The following CACNA2D4 variants were observed in gnomAD, a reference collection of about 807,000 sequenced individuals.
CACNA2D4 encodes the protein voltage-dependent calcium channel subunit alpha-2/delta-4.
CACNA2D4 carries 157 observed loss-of-function variants against 163.8 expected under a neutral mutation model. The ratio of observed to expected loss-of-function variants is 0.96; its 90% confidence interval spans 0.84 to 1.09. The LOEUF (loss-of-function observed/expected upper bound fraction) is 1.09. Ranked by LOEUF, CACNA2D4 falls within the 50% of genes least tolerant of loss-of-function variation. The pLI, the probability that CACNA2D4 is intolerant of heterozygous loss-of-function variation, is 0.00. For missense variants in CACNA2D4, 1,410 were observed against 1,479.9 expected (o/e 0.95, Z 0.78); for synonymous variants, 598 against 586.9 (o/e 1.02, Z -0.27).
intron 9 of CACNA2D4, among the ~76,000 whole-genome samples, chr12:1,885,284 C>G (rs1181073466): frequency 6.6e-6 from 1 of 152,176 alleles, no homozygotes; most frequent in Non-Finnish European, 1.5e-5. Flanking sequence ...GGGGAAATGA[C>G]TTGGTACACA....
intron 23 of CACNA2D4, among the ~76,000 whole-genome samples, chr12:1,848,419 G>A (rs1865199992): frequency 6.6e-6 from 1 of 152,344 alleles, no homozygotes; most frequent in East Asian, 1.9e-4. Context: ...CTCAGGGCCT[G>A]ACCGGGTTCC....
At chr12:1,827,169 C>T (rs970888195) in intron 26 of CACNA2D4, among the ~76,000 whole-genome samples, 9 of 151,796 alleles carry the variant, frequency 5.9e-5, no homozygotes, top group Non-Finnish European at 1.0e-4. Context: ...CAGGTAAACA[C>T]ATGCCAGTCC....
chr12:1,897,717 T>C lies in CACNA2D4; in HGVS notation c.781+9723A>G, dbSNP rs76292059. 7.3e-3 allele frequency among the ~76,000 whole-genome samples: 1,109 copies of C among 152,266 alleles called. 13 individuals are homozygous for C. Among genetic ancestry groups the C allele is most frequent in the African/African-American group, 0.025 (1,045 of 41,556 alleles). On this transcript the variant is annotated intron_variant, in intron 6 of 37. Transcript: ENST00000382722. ...GAGGAAAAAGTATATATCAGGTAAA[T>C]ACTAAGCATGAGCATGCTGGTGTCA... is the stretch of plus-strand genomic sequence containing the variant.
chr12:1,859,571 C>G (rs185346671), intron 19 of CACNA2D4, among the ~76,000 whole-genome samples: 1 of 152,346 alleles, frequency 6.6e-6, no homozygotes, highest in African/African-American at 2.4e-5. Flanking sequence ...GCTCTTCTCA[C>G]TGCTTTAGGA....
In CACNA2D4 at chr12:1,834,504, A is replaced by G; in HGVS notation, c.2551+6235T>C. 1 of 1,607,508 alleles carries G rather than the reference A, an allele frequency of 6.2e-7. No individual in the cohort carries two copies. Among genetic ancestry groups the G allele is most frequent in the Non-Finnish European group, 8.5e-7 (1 of 1,179,854 alleles). Reference sequence around the variant, plus strand: ...ACAGCCTGCCCACAGAAGCAGAGGCACCGGCCGGCGAGCGTGAGGCGAGCC... The same window carrying G: ...ACAGCCTGCCCACAGAAGCAGAGGCGCCGGCCGGCGAGCGTGAGGCGAGCC... On this transcript the variant is annotated intron_variant, in intron 26 of 37. Transcript: ENST00000382722. This position sits in a 1 kb window ranked among gnomAD's most constrained non-coding sequence, Gnocchi z 7.6.
rs1383179119 is a variant in CACNA2D4, at chr12:1,878,247, T to C, written c.1719+68A>G. 4.6e-5 allele frequency: 70 copies of C among 1,533,196 alleles called. No homozygotes were observed. In the East Asian group the frequency reaches 1.7e-3, roughly 36 times the overall value. 95.0% of individuals were successfully genotyped at this position (1,533,196 alleles called of 1,614,324 possible). ...GCCCAATGTGTGTTTGTTGTTTTAA[T>C]CGTTTTTGTGAATTACCCCCAAATC... On this transcript the variant is annotated intron_variant, in intron 16 of 37. Transcript: ENST00000382722. The surrounding 1 kb of genome is among the most constrained non-coding windows in gnomAD (Gnocchi z 4.6).
At chr12:1,835,422 T>TACACACAC (rs137889817) in intron 26 of CACNA2D4, 84 of 150,624 alleles carry the variant, frequency 5.6e-4, no homozygotes, top group African/African-American at 2.1e-3. Flanking sequence ...AAAGAATTAA[T>TACACACAC]ACACACACAC....
chr12:1,882,633 C>T (rs935344330), intron 13 of CACNA2D4, among the ~76,000 whole-genome samples: 2 of 152,124 alleles, frequency 1.3e-5, no homozygotes, highest in Admixed American at 6.5e-5. Flanking sequence ...GCACCTCAGG[C>T]AGGTCTGCTG....
intron 26 of CACNA2D4, among the ~76,000 whole-genome samples, chr12:1,816,838 A>G (rs1333301895): frequency 1.3e-5 from 2 of 152,180 alleles, no homozygotes; most frequent in African/African-American, 4.8e-5. Context: ...ATACCCATGC[A>G]CGCACACATG....
At chr12:1,846,495 C>T (rs1865145698) in intron 24 of CACNA2D4, 99 bp downstream of exon 24, 2 of 948,852 alleles carry the variant, frequency 2.1e-6, no homozygotes, top group Non-Finnish European at 3.2e-6. Flanking sequence ...ATGCTGGAGA[C>T]CCGGTGCCAG....
rs1441339354 is a variant in CACNA2D4, at chr12:1,882,966, G to A, written c.1386C>T (p.Thr462=). 4 of 1,613,164 alleles carry A rather than the reference G, an allele frequency of 2.5e-6. No homozygotes were observed. Among genetic ancestry groups the A allele is most frequent in the Admixed American group, 1.7e-5 (1 of 59,912 alleles). ...GCAGGTATTCCATCACGTTCTCCTG[G>A]GTGTCCGCCAGCGTTGAGATCTGCG... ...YYTQISTLAD[T]QENVMEYLHV... The change falls in exon 13 of 38, where the codon ACC becomes ACT. Residue 462 remains threonine (T), a synonymous_variant. Coordinates refer to ENST00000382722, the MANE Select transcript of CACNA2D4 (RefSeq NM_172364.5).
rs561493344 is a variant in CACNA2D4 at position 1,820,141 on chromosome 12, GC to G, written c.2552-8419del. 6.6e-6 allele frequency: 1 copy of G among 152,266 alleles called. No homozygotes were observed. Among genetic ancestry groups the G allele is most frequent in the Non-Finnish European group, 1.5e-5 (1 of 68,072 alleles). 9.4% of individuals were successfully genotyped at this position (152,266 alleles called of 1,614,324 possible). ...GGAGAAAGACCAGCTTCCCAGGGGG[GC>G]CTCCATCGGAACAGAAGTCAGCCGC... On this transcript the variant is annotated intron_variant, in intron 26 of 37. Transcript: ENST00000382722. This position sits in a 1 kb window ranked among gnomAD's most constrained non-coding sequence, Gnocchi z 6.0.
rs1865840909 is a variant in CACNA2D4 at position 1,874,311 on chromosome 12, A to AGCAG, written c.1878+289_1878+292dup. On this transcript the variant is annotated intron_variant, in intron 18 of 37. Transcript: ENST00000382722. This position sits in a 1 kb window ranked among gnomAD's most constrained non-coding sequence, Gnocchi z 4.4. Reference sequence around the variant, plus strand: ...CATTATAAACAACAAAAGGGCCAGTAGCAGGCAGCATAAGGAGGAAAGAAG... The same window carrying AGCAG: ...CATTATAAACAACAAAAGGGCCAGTAGCAGGCAGGCAGCATAAGGAGGAAAGAAG... Among the ~76,000 whole-genome samples the AGCAG allele has an allele frequency of 6.6e-6, 1 of 152,246 alleles. No homozygotes were observed. The highest frequency in any genetic ancestry group is 2.1e-4 in the South Asian group (1 of 4,836).
In CACNA2D4 at chr12:1,884,892, A is replaced by G. The variant is rs752110430; in HGVS notation, c.1159-11T>C. The G allele has an allele frequency of 3.0e-5, 49 of 1,611,242 alleles. No individual in the cohort carries two copies. Among genetic ancestry groups the G allele is most frequent in the Non-Finnish European group, 3.9e-5 (46 of 1,177,642 alleles). On this transcript the variant is annotated splice_polypyrimidine_tract_variant and intron_variant, in intron 10 of 37. Transcript: ENST00000382722. The stretch of plus-strand genomic sequence containing the variant: ...CTTGGCCTCTTGGAACTGTGTAGGG[A>G]AGAGGAGTGCCCATGACCACAGGCC...
intron 26 of CACNA2D4, among the ~76,000 whole-genome samples, chr12:1,824,003 C>A (rs982124770): frequency 1.3e-5 from 2 of 152,242 alleles, no homozygotes; most frequent in African/African-American, 4.8e-5. Context: ...TGAGTTATTT[C>A]ATTTCTGGTG....
At chr12:1,813,385 G>T (rs989054046) in intron 26 of CACNA2D4, among the ~76,000 whole-genome samples, 7 of 152,112 alleles carry the variant, frequency 4.6e-5, no homozygotes, top group Admixed American at 4.6e-4. Flanking sequence ...CCGTCCTAAA[G>T]CCTCACCAAT....
At chr12:1,892,943 T>C (rs1194662519) in intron 6 of CACNA2D4, among the ~76,000 whole-genome samples, 2 of 152,142 alleles carry the variant, frequency 1.3e-5, no homozygotes, top group Non-Finnish European at 2.9e-5. Flanking sequence ...CAAGAGTATA[T>C]GGCAATTCTA....
chr12:1,885,455 G>T (rs1433598689), intron 9 of CACNA2D4, among the ~76,000 whole-genome samples: 1 of 152,158 alleles, frequency 6.6e-6, no homozygotes, highest in Non-Finnish European at 1.5e-5. Context: ...GGTGCCCAGG[G>T]CAGAGGCCCG....
At chr12:1,862,104 A>G (rs1053013169) in intron 18 of CACNA2D4, among the ~76,000 whole-genome samples, 1 of 152,196 alleles carries the variant, frequency 6.6e-6, no homozygotes, top group African/African-American at 2.4e-5. Flanking sequence ...GACACGGCCC[A>G]GTATGCTTCT....
Sources: allele counts gnomAD v4.1 joint callset (sites outside exome capture counted in the v4.1 genomes callset), GRCh38; gene constraint gnomAD v4.1.1; non-coding constraint Gnocchi (gnomAD v3.1); transcripts MANE v1.5; gene names NCBI Gene and HGNC (gene_info 2026-07-23, HGNC 2026-07-21).